Variants in COL4A1 observed in about 807,000 individuals in gnomAD.
COL4A1 encodes collagen type IV alpha 1 chain, also known as collagen alpha-1(IV) chain.
COL4A1 carries 40 observed loss-of-function variants against 216.6 expected under a neutral mutation model. That is an observed-to-expected ratio of 0.18 (90% CI 0.14 to 0.24). COL4A1 has a LOEUF of 0.24. Among genes scored for constraint, COL4A1 ranks in the 10% least tolerant of loss-of-function variants. The pLI, the probability that COL4A1 is intolerant of heterozygous loss-of-function variation, is 1.00. For missense variants in COL4A1, 1,628 were observed against 2,196.8 expected (o/e 0.74, Z 5.18); for synonymous variants, 839 against 810.7 (o/e 1.03, Z -0.59).
At chr13:110,161,394 A>G in intron 48 of COL4A1, 25 bp from the exon 49 acceptor site, 1 of 1,587,148 alleles carries the variant, frequency 6.3e-7, no homozygotes, top group Non-Finnish European at 8.6e-7. Context: ...AGACAATGTG[A>G]GATGTTTCCT....
At chr13:110,240,766 G>T (rs963605722) in intron 2 of COL4A1, among the ~76,000 whole-genome samples, 1 of 152,152 alleles carries the variant, frequency 6.6e-6, no homozygotes, top group Non-Finnish European at 1.5e-5. Flanking sequence ...CAGTTGACAG[G>T]TAGGGAAGGC....
intron 40 of COL4A1, 26 bp downstream of exon 40, chr13:110,173,874 A>G (rs745968028): frequency 6.2e-7 from 1 of 1,613,748 alleles, no homozygotes; most frequent in South Asian, 1.1e-5. Flanking sequence ...GCTGATTCTG[A>G]TAGGGAATGG....
At chr13:110,168,932 C>G (rs1014879558) in intron 43 of COL4A1, among the ~76,000 whole-genome samples, 2 of 152,144 alleles carry the variant, frequency 1.3e-5, no homozygotes, top group African/African-American at 2.4e-5. Flanking sequence ...GAGCGAGCCA[C>G]GTAAACACAA....
rs752092094 is a variant in COL4A1, at chr13:110,198,668, G to A, written c.1121-37C>T. 43 of 1,612,918 alleles carry A rather than the reference G, an allele frequency of 2.7e-5. 1 individual carries two copies. The South Asian group carries it at 3.3e-4, about 12-fold the overall frequency. The stretch of plus-strand genomic sequence containing the variant: ...CAGAAGCTCACATCAGTAACCTCAG[G>A]GCCACTTAGCAACTACAGCATAAAC... On this transcript the variant is annotated intron_variant, in intron 20 of 51. Coordinates refer to ENST00000375820, the MANE Select transcript of COL4A1 (RefSeq NM_001845.6).
At chr13:110,164,470 A>G (rs984348447) in intron 46 of COL4A1, among the ~76,000 whole-genome samples, 1 of 152,238 alleles carries the variant, frequency 6.6e-6, no homozygotes, top group Non-Finnish European at 1.5e-5. Flanking sequence ...TTGTACAGAC[A>G]GTGCCAATCA....
At chr13:110,184,274 C>A (rs1424742379) in intron 26 of COL4A1, among the ~76,000 whole-genome samples, 1 of 152,172 alleles carries the variant, frequency 6.6e-6, no homozygotes, top group Non-Finnish European at 1.5e-5. Flanking sequence ...TGTGAGTACT[C>A]CAGTTGGTTT....
rs374907479 is a variant in COL4A1, at chr13:110,208,824, G to A, written c.693+25C>T. On this transcript the variant is annotated intron_variant, in intron 12 of 51. Coordinates refer to ENST00000375820, the MANE Select transcript of COL4A1 (RefSeq NM_001845.6). ...GAGGACTGTGGTTTTCAACATGAAA[G>A]CACTCCAGAGCAATATGCACTCACC... 562 of 1,613,010 alleles carry A rather than the reference G, an allele frequency of 3.5e-4. 1 individual carries two copies. The highest frequency in any genetic ancestry group is 4.4e-4 in the Non-Finnish European group (513 of 1,179,088).
At position 110,206,707 on chromosome 13, in the gene COL4A1, T is replaced by C. The variant is rs141291543; in HGVS notation, c.816A>G (p.Pro272=). The change falls in exon 15 of 52, where the codon CCA becomes CCG. Residue 272 remains proline (P), a synonymous_variant. Transcript: ENST00000375820. ...CGGGTTCACCTTTCTCTCCGACCCC[T>C]GGCATCCCCTTAAAGGAATAAAAAG... is the stretch of plus-strand genomic sequence containing the variant. The part of the protein sequence containing the change: ...QKGEPGFQGM[P]GVGEKGEPGK... The C allele has an allele frequency of 3.7e-6, 6 of 1,614,220 alleles. No individual in the cohort carries two copies. Among genetic ancestry groups the C allele is most frequent in the Non-Finnish European group, 5.1e-6 (6 of 1,180,018 alleles).
At chr13:110,270,555 G>A (rs972715701) in intron 1 of COL4A1, among the ~76,000 whole-genome samples, 1 of 152,166 alleles carries the variant, frequency 6.6e-6, no homozygotes, top group African/African-American at 2.4e-5. Flanking sequence ...AATCATTGTA[G>A]GGTCGTTTCA....
Position 110,195,018 on chromosome 13 carries a change from C to T in COL4A1, c.1381+5G>A. ...CACCATTTTAAAAAAATCAAAATTT[C>T]TTACCTTTCTCTCCAATTTCGCCTA... is the stretch of plus-strand genomic sequence containing the variant. On this transcript the variant is annotated splice_donor_5th_base_variant and intron_variant, in intron 22 of 51. Transcript: ENST00000375820. The T allele has an allele frequency of 6.2e-7, 1 of 1,613,352 alleles. No individual in the cohort carries two copies. The highest frequency in any genetic ancestry group is 8.5e-7 in the Non-Finnish European group (1 of 1,179,332).
At chr13:110,285,785 A>G (rs1299518165) in intron 1 of COL4A1, among the ~76,000 whole-genome samples, 1 of 152,154 alleles carries the variant, frequency 6.6e-6, no homozygotes, top group Non-Finnish European at 1.5e-5. Flanking sequence ...TCGCTTTCCC[A>G]GTTCCACAGC....
chr13:110,204,700 G>A (rs775732673), intron 17 of COL4A1, among the ~76,000 whole-genome samples: 38 of 149,770 alleles, frequency 2.5e-4, no homozygotes, highest in Non-Finnish European at 5.0e-4. Context: ...TGGTCTGGCA[G>A]AAGGACTTTC....
intron 6 of COL4A1, among the ~76,000 whole-genome samples, chr13:110,212,167 G>C (rs1879832802): frequency 6.6e-6 from 1 of 152,190 alleles, no homozygotes; most frequent in Non-Finnish European, 1.5e-5. Flanking sequence ...ATGATTATAG[G>C]TAATAACTTT....
chr13:110,160,160 G>T lies in COL4A1; in HGVS notation c.4640+1032C>A, dbSNP rs569668188. ...AATAACTTTTAAAAAAATTCATAGGGGGCCGGGCGCGGTGGCTCACGCCTG... is the reference window on the plus strand; with the variant it reads ...AATAACTTTTAAAAAAATTCATAGGTGGCCGGGCGCGGTGGCTCACGCCTG... On this transcript the variant is annotated intron_variant, in intron 49 of 51. Coordinates refer to ENST00000375820, the MANE Select transcript of COL4A1 (RefSeq NM_001845.6). 3.8e-4 allele frequency among the ~76,000 whole-genome samples: 56 copies of T among 148,910 alleles called. 4 individuals are homozygous for T. The highest frequency in any genetic ancestry group is 6.7e-4 in the Non-Finnish European group (45 of 67,660).
At chr13:110,288,626 C>A (rs1035925576) in intron 1 of COL4A1, among the ~76,000 whole-genome samples, 3 of 152,174 alleles carry the variant, frequency 2.0e-5, no homozygotes, top group Non-Finnish European at 2.9e-5. Context: ...CACTGATTAA[C>A]CCTGACAATT....
chr13:110,202,853 ATAGT>A (rs1197194887), intron 18 of COL4A1, among the ~76,000 whole-genome samples: 3 of 152,342 alleles, frequency 2.0e-5, no homozygotes, highest in Non-Finnish European at 4.4e-5. Context: ...TTTTACCAGG[ATAGT>A]TAAATTACAG....
At chr13:110,198,355 C>A in intron 21 of COL4A1, 112 bp downstream of exon 21, 1 of 1,132,904 alleles carries the variant, frequency 8.8e-7, no homozygotes, top group South Asian at 1.3e-5. Flanking sequence ...AGAATCCACG[C>A]CTTTCTATTA....
chr13:110,192,690 G>T, intron 23 of COL4A1, 140 bp downstream of exon 23: 1 of 672,138 alleles, frequency 1.5e-6, no homozygotes, highest in Non-Finnish European at 2.6e-6. Context: ...CCTGGAAGTG[G>T]GGCCCAACAT....
intron 1 of COL4A1, among the ~76,000 whole-genome samples, chr13:110,285,937 C>G (rs969060024): frequency 3.3e-5 from 5 of 152,176 alleles, no homozygotes; most frequent in Non-Finnish European, 7.3e-5. Context: ...AGCTACTACT[C>G]GATGACCACA....
Sources: allele counts gnomAD v4.1 joint callset (sites outside exome capture counted in the v4.1 genomes callset), GRCh38; gene constraint gnomAD v4.1.1; transcripts MANE v1.5; gene names NCBI Gene and HGNC (gene_info 2026-07-23, HGNC 2026-07-21).